LRRC4C: variants seen among roughly 807,000 people sequenced by gnomAD.
LRRC4C encodes leucine rich repeat containing 4C, also known as leucine-rich repeat-containing protein 4C.
Under a neutral mutation model 33.6 loss-of-function variants are expected in LRRC4C, and 5 were observed. The ratio of observed to expected loss-of-function variants is 0.15; its 90% CI spans 0.08 to 0.31. The LOEUF (loss-of-function observed/expected upper bound fraction) is 0.31. LRRC4C is among the 10% of genes least tolerant of loss of function. LRRC4C has a pLI of 1.00. For synonymous variants in LRRC4C, 329 were observed against 302.0 expected (o/e 1.09, Z -0.93); for missense variants, 560 against 796.7 (o/e 0.70, Z 3.58).
At position 40,115,690 on chromosome 11, in the gene LRRC4C, A is replaced by G; in HGVS notation, c.603T>C (p.Tyr201=). The change falls in exon 7 of 7, where the codon TAT becomes TAC. Residue 201 remains tyrosine, a synonymous_variant. Transcript: ENST00000528697. This position sits in a 1 kb window ranked among gnomAD's most constrained non-coding sequence, Gnocchi z 6.7. The part of the protein sequence containing the change: ...GAFEGLSNLR[Y]LNLAMCNLRE... ...GAAGGTTGCACATGGCAAGGTTCAA[A>G]TACCTCAAGTTGGACAGACCTTCAA... The G allele has an allele frequency of 1.2e-6, 2 of 1,614,184 alleles. No homozygotes were observed. The highest frequency in any genetic ancestry group is 1.7e-6 in the Non-Finnish European group (2 of 1,180,028).
chr11:41,009,960 G>C lies in LRRC4C; in HGVS notation c.-495-76237C>G, dbSNP rs147293045. Among the ~76,000 whole-genome samples the C allele has an allele frequency of 4.8e-3, 736 of 152,224 alleles. 6 individuals carry two copies. The highest frequency in any genetic ancestry group is 0.017 in the African/African-American group (705 of 41,558). ...ACTAAGTGGTGTCTAAATAAAAAGG[G>C]GGGAATTTTGACACAGAGACAGAAA... On this transcript the variant is annotated intron_variant, in intron 1 of 6. Coordinates refer to ENST00000528697, the MANE Select transcript of LRRC4C (RefSeq NM_001258419.2).
intron 1 of LRRC4C, among the ~76,000 whole-genome samples, chr11:40,980,436 C>A (rs904911987): frequency 1.3e-5 from 2 of 152,088 alleles, no homozygotes; most frequent in Non-Finnish European, 2.9e-5. Context: ...TTGAAGTCAT[C>A]CGTATTAATT....
intron 1 of LRRC4C, among the ~76,000 whole-genome samples, chr11:41,452,881 GTTA>G (rs1486421882): frequency 1.3e-5 from 2 of 152,018 alleles, no homozygotes; most frequent in Admixed American, 6.6e-5. Flanking sequence ...AAACTGCTAA[GTTA>G]TTATCATAAT....
At chr11:40,863,939 C>T (rs1954226778) in intron 2 of LRRC4C, among the ~76,000 whole-genome samples, 1 of 151,966 alleles carries the variant, frequency 6.6e-6, no homozygotes, top group Non-Finnish European at 1.5e-5. Flanking sequence ...GCATGTTCTC[C>T]TTTTTTCATC....
chr11:41,169,722 C>A (rs1944885839), intron 1 of LRRC4C, among the ~76,000 whole-genome samples: 1 of 152,096 alleles, frequency 6.6e-6, no homozygotes, highest in African/African-American at 2.4e-5. Flanking sequence ...ATGTGGCCTT[C>A]AAGGAGATCC....
At chr11:41,058,037 A>T (rs2169485) in intron 1 of LRRC4C, among the ~76,000 whole-genome samples, 5 of 152,150 alleles carry the variant, frequency 3.3e-5, no homozygotes, top group Non-Finnish European at 1.5e-5. Context: ...CTTCCTTTTC[A>T]CAGGACAAGA....
At position 40,634,599 on chromosome 11, in the gene LRRC4C, G is replaced by C. The variant is rs781688842; in HGVS notation, c.-270+13543C>G. On this transcript the variant is annotated intron_variant, in intron 3 of 6. Transcript: ENST00000528697. ...AAAAATAAATGCTTGGCTGGGGACC[G>C]TGTCTCACACCTGTAATCCTAGTAC... 3.3e-5 allele frequency among the ~76,000 whole-genome samples: 5 copies of C among 152,176 alleles called. 1 individual carries two copies. The highest frequency in any genetic ancestry group is 2.6e-4 in the Admixed American group (4 of 15,282).
At chr11:41,171,239 C>T (rs1158023217) in intron 1 of LRRC4C, among the ~76,000 whole-genome samples, 1 of 152,078 alleles carries the variant, frequency 6.6e-6, no homozygotes, top group Non-Finnish European at 1.5e-5. Flanking sequence ...TTTGATCCAG[C>T]CATCCCATTA....
Position 40,382,123 on chromosome 11 carries a change from ATTTTT to A in LRRC4C, c.-269-62407_-269-62403del, listed in dbSNP as rs77934711. Reference sequence around the variant, plus strand: ...AGGCGCCCACCACTATGCCCGGCTAATTTTTTTTTTTTTTTTTTTTTTTTTTTTTT... The same window carrying A: ...AGGCGCCCACCACTATGCCCGGCTAATTTTTTTTTTTTTTTTTTTTTTTTT... On this transcript the variant is annotated intron_variant, in intron 3 of 6. Coordinates refer to ENST00000528697, the MANE Select transcript of LRRC4C (RefSeq NM_001258419.2). Among the ~76,000 whole-genome samples, 660 of 99,754 alleles carry A rather than the reference ATTTTT, an allele frequency of 6.6e-3. 1 individual carries two copies. The highest frequency in any genetic ancestry group is 0.023 in the African/African-American group (621 of 26,464). 65.4% of individuals were successfully genotyped at this position (99,754 alleles called of 152,430 possible).
chr11:40,628,860 C>G (rs1010305981), intron 3 of LRRC4C, among the ~76,000 whole-genome samples: 2 of 152,116 alleles, frequency 1.3e-5, no homozygotes, highest in African/African-American at 4.8e-5. Flanking sequence ...AGAATTGGAG[C>G]ATTTAAGCCT....
At chr11:41,419,300 G>T (rs779145334) in intron 1 of LRRC4C, among the ~76,000 whole-genome samples, 1 of 151,872 alleles carries the variant, frequency 6.6e-6, no homozygotes, top group Admixed American at 6.6e-5. Flanking sequence ...ACAGTCATAG[G>T]TATCAAATCC....
chr11:40,409,592 T>C (rs1238908457), intron 3 of LRRC4C, among the ~76,000 whole-genome samples: 1 of 152,026 alleles, frequency 6.6e-6, no homozygotes, highest in Non-Finnish European at 1.5e-5. Flanking sequence ...AGGACCTGAA[T>C]AGATGTTTCT....
At chr11:40,550,834 C>T (rs1201229926) in intron 3 of LRRC4C, among the ~76,000 whole-genome samples, 8 of 151,982 alleles carry the variant, frequency 5.3e-5, no homozygotes, top group Non-Finnish European at 1.2e-4. Context: ...TAAGAGAAGC[C>T]TAACCTGCTC....
intron 2 of LRRC4C, among the ~76,000 whole-genome samples, chr11:40,924,476 G>C (rs949009249): frequency 2.0e-5 from 3 of 151,580 alleles, no homozygotes; most frequent in Non-Finnish European, 4.4e-5. Flanking sequence ...GAATCTACTG[G>C]AATCAAATAG....
At chr11:40,745,196 T>C (rs1425993324) in intron 2 of LRRC4C, among the ~76,000 whole-genome samples, 2 of 152,164 alleles carry the variant, frequency 1.3e-5, no homozygotes, top group Non-Finnish European at 2.9e-5. Flanking sequence ...CCACGGATTA[T>C]TCTTTTTCAG....
chr11:41,149,084 A>T (rs1010433473), intron 1 of LRRC4C, among the ~76,000 whole-genome samples: 6 of 152,132 alleles, frequency 3.9e-5, no homozygotes, highest in African/African-American at 1.4e-4. Flanking sequence ...TGGTGAGCAG[A>T]ATTTATTTTT....
chr11:40,427,711 T>C (rs1253074515), intron 3 of LRRC4C, among the ~76,000 whole-genome samples: 1 of 152,098 alleles, frequency 6.6e-6, no homozygotes, highest in African/African-American at 2.4e-5. Context: ...ATGCCTGTAG[T>C]CCCAGCTATT....
At chr11:41,088,946 A>T (rs1390897418) in intron 1 of LRRC4C, among the ~76,000 whole-genome samples, 1 of 152,050 alleles carries the variant, frequency 6.6e-6, no homozygotes, top group African/African-American at 2.4e-5. Context: ...TATTTAAGAG[A>T]TACATAATAT....
At chr11:40,711,848 T>C (rs998510352) in intron 2 of LRRC4C, among the ~76,000 whole-genome samples, 3 of 152,202 alleles carry the variant, frequency 2.0e-5, no homozygotes. Flanking sequence ...TAAATGCATG[T>C]CCTAATGAGA....
Sources: allele counts gnomAD v4.1 joint callset (sites outside exome capture counted in the v4.1 genomes callset), GRCh38; gene constraint gnomAD v4.1.1; non-coding constraint Gnocchi (gnomAD v3.1); transcripts MANE v1.5; gene names NCBI Gene and HGNC (gene_info 2026-07-23, HGNC 2026-07-21).